Variants in RARB observed in about 807,000 individuals in gnomAD.
RARB encodes the protein retinoic acid receptor beta.
In RARB, 17 loss-of-function variants were observed where a neutral mutation model predicts 51.9. The ratio of observed to expected loss-of-function variants is 0.33; its 90% confidence interval spans 0.22 to 0.49. RARB has a LOEUF of 0.49. Among genes scored for constraint, RARB ranks in the 20% least tolerant of loss-of-function variants. RARB has a pLI of 0.99. For synonymous variants in RARB, 215 were observed against 195.4 expected (o/e 1.10, Z -0.84); for missense variants, 369 against 550.8 (o/e 0.67, Z 3.30).
intron 2 of RARB, among the ~76,000 whole-genome samples, chr3:24,959,365 G>A (rs537473988): frequency 5.9e-5 from 9 of 152,212 alleles, no homozygotes; most frequent in Non-Finnish European, 1.0e-4. Context: ...AGGGGATGGA[G>A]CAGGAAGGTA....
intron 2 of RARB, among the ~76,000 whole-genome samples, chr3:25,480,918 A>G (rs1247688201): frequency 6.6e-6 from 1 of 152,098 alleles, no homozygotes; most frequent in Non-Finnish European, 1.5e-5. Flanking sequence ...CGATTAATTG[A>G]TCCTATTCCC....
intron 2 of RARB, among the ~76,000 whole-genome samples, chr3:25,018,370 C>A (rs1485814087): frequency 1.3e-5 from 2 of 152,100 alleles, no homozygotes; most frequent in African/African-American, 4.8e-5. Context: ...AACTGGAATT[C>A]CAGTTGTTGA....
intron 3 of RARB, among the ~76,000 whole-genome samples, chr3:25,538,561 G>C (rs1356546078): frequency 6.6e-6 from 1 of 152,202 alleles, no homozygotes; most frequent in East Asian, 1.9e-4. Flanking sequence ...GGCCCCACAA[G>C]TTAGGGCCTG....
chr3:24,833,088 G>A (rs569088799), intron 1 of RARB: 1 of 152,356 alleles, frequency 6.6e-6, no homozygotes, highest in Non-Finnish European at 1.5e-5. Flanking sequence ...TCCTCCTCCA[G>A]TGTGGCTTCT....
chr3:24,956,416 G>A (rs1176225957), intron 2 of RARB, among the ~76,000 whole-genome samples: 1 of 152,168 alleles, frequency 6.6e-6, no homozygotes, highest in African/African-American at 2.4e-5. Flanking sequence ...TGAACTCTTT[G>A]TAACCACCCT....
intron 2 of RARB, among the ~76,000 whole-genome samples, chr3:24,933,184 A>G (rs896172115): frequency 1.3e-5 from 2 of 152,112 alleles, no homozygotes; most frequent in African/African-American, 4.8e-5. Flanking sequence ...AAATCCTATA[A>G]AAACATTCTT....
At chr3:25,205,174 C>T (rs548452347) in intron 5 of RARB, among the ~76,000 whole-genome samples, 83 of 152,280 alleles carry the variant, frequency 5.5e-4, no homozygotes, top group African/African-American at 1.9e-3. Flanking sequence ...TGATCTCAGA[C>T]TGCTGTGCTA....
chr3:24,870,031 G>A (rs549879631), intron 2 of RARB, among the ~76,000 whole-genome samples: 6 of 152,014 alleles, frequency 3.9e-5, no homozygotes, highest in Non-Finnish European at 5.9e-5. Context: ...GAACATTTAC[G>A]CTGCATTTTT....
In RARB at chr3:24,887,149, G is replaced by A. The variant is rs143967878; in HGVS notation, c.-380+28397G>A. 4.9e-4 allele frequency among the ~76,000 whole-genome samples: 75 copies of A among 152,230 alleles called. 1 individual carries two copies. In the East Asian group the frequency reaches 0.014, roughly 28 times the overall value. ...ATTACAAAATAGTCTATTCATAATAGGATTGCAAAGGATTTAAAGTCACAT... is the reference window on the plus strand; with the variant it reads ...ATTACAAAATAGTCTATTCATAATAAGATTGCAAAGGATTTAAAGTCACAT... On this transcript the variant is annotated intron_variant, in intron 2 of 11. Transcript: ENST00000383772.
intron 5 of RARB, among the ~76,000 whole-genome samples, chr3:25,364,010 T>C (rs1267370899): frequency 6.6e-6 from 1 of 152,232 alleles, no homozygotes; most frequent in Non-Finnish European, 1.5e-5. Flanking sequence ...GGTTCTATCC[T>C]GACCATTCTC....
intron 5 of RARB, among the ~76,000 whole-genome samples, chr3:25,326,716 A>G (rs1486514694): frequency 1.3e-5 from 2 of 152,224 alleles, no homozygotes; most frequent in Non-Finnish European, 2.9e-5. Flanking sequence ...ACATTGGTAC[A>G]ATGAGAAAAC....
intron 1 of RARB, among the ~76,000 whole-genome samples, chr3:25,447,002 C>T (rs2125536897): frequency 7.4e-6 from 1 of 135,136 alleles, no homozygotes; most frequent in South Asian, 2.2e-4. Context: ...AGGTGAATAA[C>T]AGAGATTTAA....
intron 5 of RARB, among the ~76,000 whole-genome samples, chr3:25,590,766 C>T (rs1435825214): frequency 4.6e-5 from 7 of 152,280 alleles, no homozygotes; most frequent in Non-Finnish European, 4.4e-5. Context: ...ATGATCTATC[C>T]GCCTTGCCCT....
chr3:25,458,683 C>T (rs1324646044), intron 1 of RARB, among the ~76,000 whole-genome samples: 1 of 152,098 alleles, frequency 6.6e-6, no homozygotes, highest in African/African-American at 2.4e-5. Flanking sequence ...ATCCCAGATA[C>T]CTTGGTTCTA....
chr3:25,343,727 A>C (rs1705302551), intron 5 of RARB, among the ~76,000 whole-genome samples: 1 of 152,152 alleles, frequency 6.6e-6, no homozygotes, highest in Non-Finnish European at 1.5e-5. Context: ...TCCGTATTTA[A>C]CTATGTAACC....
At chr3:25,564,897 A>T (rs1451256495) in intron 3 of RARB, among the ~76,000 whole-genome samples, 1 of 152,176 alleles carries the variant, frequency 6.6e-6, no homozygotes, top group Non-Finnish European at 1.5e-5. Context: ...GAGTGAAAGA[A>T]GAGGTCCACC....
At chr3:25,100,986 G>A (rs1412683426) in intron 3 of RARB, among the ~76,000 whole-genome samples, 1 of 152,170 alleles carries the variant, frequency 6.6e-6, no homozygotes, top group Non-Finnish European at 1.5e-5. Context: ...GGATTAGAAA[G>A]GCTAAAATAG....
At chr3:25,045,829 G>A (rs1313956338) in intron 2 of RARB, among the ~76,000 whole-genome samples, 3 of 152,198 alleles carry the variant, frequency 2.0e-5, no homozygotes, top group Non-Finnish European at 4.4e-5. Context: ...AAAATTTAAT[G>A]TAGCCTTTTT....
chr3:25,468,372 C>CTTTTTTT (rs34870919), intron 2 of RARB, among the ~76,000 whole-genome samples: 2 of 81,710 alleles, frequency 2.4e-5, no homozygotes, highest in Admixed American at 1.4e-4. Context: ...GGCATTTGGG[C>CTTTTTTT]TTTTTTTTTT....
Sources: allele counts gnomAD v4.1 joint callset (sites outside exome capture counted in the v4.1 genomes callset), GRCh38; gene constraint gnomAD v4.1.1; transcripts MANE v1.5; gene names NCBI Gene and HGNC (gene_info 2026-07-23, HGNC 2026-07-21).